Variants in DNAH8 observed in about 807,000 individuals in gnomAD.
The protein encoded by DNAH8 is axonemal beta dynein heavy chain 8.
DNAH8 carries 382 observed loss-of-function variants against 562.1 expected under a neutral mutation model. The ratio of observed to expected loss-of-function variants is 0.68; its 90% CI spans 0.63 to 0.74. The LOEUF is 0.74. DNAH8 is among the 30% of genes least tolerant of loss of function. DNAH8 has a pLI of 0.00. For missense variants in DNAH8, 5,203 were observed against 5,620.4 expected (o/e 0.93, Z 2.37); for synonymous variants, 1,881 against 1,919.4 (o/e 0.98, Z 0.52).
chr6:38,960,804 A>G (rs901688226), intron 82 of DNAH8, among the ~76,000 whole-genome samples: 3 of 152,042 alleles, frequency 2.0e-5, no homozygotes, highest in Non-Finnish European at 2.9e-5. Context: ...AAAACTTTGA[A>G]AGGATTTTTT....
Position 38,834,281 on chromosome 6 carries a change from A to G in DNAH8, c.4303-298A>G, listed in dbSNP as rs188747357. ...TTAGCTCTGTCAAGGTCCTTTAAAA[A>G]TGAATGGAAGATAGAGTGATGAAAA... On this transcript the variant is annotated intron_variant, in intron 31 of 92. Coordinates refer to ENST00000327475, the MANE Select transcript of DNAH8 (RefSeq NM_001206927.2). Among the ~76,000 whole-genome samples the G allele has an allele frequency of 6.0e-3, 919 of 152,324 alleles. 2 individuals carry two copies. The highest frequency in any genetic ancestry group is 7.9e-3 in the Non-Finnish European group (539 of 68,018).
intron 3 of DNAH8, among the ~76,000 whole-genome samples, chr6:38,729,009 C>G (rs559537110): frequency 2.6e-5 from 4 of 152,260 alleles, no homozygotes; most frequent in Non-Finnish European, 4.4e-5. Flanking sequence ...TCAAGACCAG[C>G]CTGGCCAACA....
At chr6:39,028,846 C>CA in intron 92 of DNAH8, among the ~76,000 whole-genome samples, 1 of 152,334 alleles carries the variant, frequency 6.6e-6, no homozygotes, top group Admixed American at 6.5e-5. Context: ...GTTTTACTGT[C>CA]AAATCATGTG....
chr6:38,937,951 G>A (rs753961769), intron 77 of DNAH8, 23 bp from the exon 78 acceptor site: 17 of 1,611,560 alleles, frequency 1.1e-5, no homozygotes, highest in Middle Eastern at 1.7e-4. Context: ...TGTGTACTAC[G>A]GTTTTCCTGT....
intron 10 of DNAH8, among the ~76,000 whole-genome samples, chr6:38,758,971 G>A (rs113357293): frequency 0.036 from 5,446 of 152,144 alleles, 345 homozygotes; most frequent in African/African-American, 0.12. Context: ...GTTCATCAGG[G>A]ATATTGGTCT....
chr6:38,762,718 G>T (rs554097444), intron 11 of DNAH8, among the ~76,000 whole-genome samples: 1 of 152,366 alleles, frequency 6.6e-6, no homozygotes, highest in Non-Finnish European at 1.5e-5. Flanking sequence ...GGTCATCTCT[G>T]TGTGCAGGTT....
At chr6:38,957,241 C>A (rs1762304529) in intron 82 of DNAH8, among the ~76,000 whole-genome samples, 1 of 150,812 alleles carries the variant, frequency 6.6e-6, no homozygotes, top group Admixed American at 6.6e-5. Flanking sequence ...TGCATACACA[C>A]AATGCACCCA....
At chr6:38,748,277 T>C (rs2127592965) in intron 8 of DNAH8, among the ~76,000 whole-genome samples, 1 of 152,260 alleles carries the variant, frequency 6.6e-6, no homozygotes, top group Middle Eastern at 3.4e-3. Context: ...ATCTCTAGTC[T>C]TTAGAAAGGA....
intron 33 of DNAH8, among the ~76,000 whole-genome samples, chr6:38,839,068 A>T (rs948183757): frequency 1.3e-5 from 2 of 152,210 alleles, no homozygotes; most frequent in African/African-American, 4.8e-5. Flanking sequence ...GTCATTCTCC[A>T]AACGTAATCC....
chr6:38,743,732 A>T (rs1360999217), intron 8 of DNAH8, among the ~76,000 whole-genome samples: 1 of 152,174 alleles, frequency 6.6e-6, no homozygotes, highest in East Asian at 1.9e-4. Flanking sequence ...GCTGAATCAT[A>T]TTCTGTTGTA....
At chr6:38,754,647 T>A (rs1765754796) in intron 9 of DNAH8, among the ~76,000 whole-genome samples, 2 of 152,140 alleles carry the variant, frequency 1.3e-5, no homozygotes, top group African/African-American at 4.8e-5. Flanking sequence ...TTGTCTGTTC[T>A]CCTGTAGTGA....
intron 88 of DNAH8, among the ~76,000 whole-genome samples, chr6:38,995,803 C>A (rs1229168620): frequency 6.6e-6 from 1 of 152,238 alleles, no homozygotes; most frequent in Non-Finnish European, 1.5e-5. Context: ...GGTCTGAAAT[C>A]TGATGACAAC....
intron 87 of DNAH8, among the ~76,000 whole-genome samples, chr6:38,987,578 G>T (rs1375492190): frequency 6.6e-6 from 1 of 152,114 alleles, no homozygotes; most frequent in Non-Finnish European, 1.5e-5. Context: ...TCAGCAATTA[G>T]TGCCTTAAGT....
intron 68 of DNAH8, among the ~76,000 whole-genome samples, chr6:38,916,664 C>G (rs139198679): frequency 9.9e-5 from 15 of 152,222 alleles, no homozygotes; most frequent in Admixed American, 9.2e-4. Context: ...ATCACCGAAC[C>G]GAAGGAGTCT....
At chr6:38,715,948 A>AT (rs1282494098) in intron 1 of DNAH8, among the ~76,000 whole-genome samples, 5 of 28,220 alleles carry the variant, frequency 1.8e-4, no homozygotes, top group African/African-American at 6.3e-4. Context: ...ATATATATAT[A>AT]TATATATATA....
At chr6:38,852,907 C>T in intron 40 of DNAH8, 109 bp downstream of exon 40, 1 of 825,386 alleles carries the variant, frequency 1.2e-6, no homozygotes, top group Non-Finnish European at 1.9e-6. Context: ...AGTTCTCATT[C>T]TACAGCCCTG....
chr6:38,942,558 G>C (rs1447632308), intron 79 of DNAH8, among the ~76,000 whole-genome samples: 1 of 152,220 alleles, frequency 6.6e-6, no homozygotes, highest in Non-Finnish European at 1.5e-5. Context: ...GGAATGGCTG[G>C]ATGGGTGAGC....
At chr6:38,846,015 C>T (rs1775269070) in intron 36 of DNAH8, among the ~76,000 whole-genome samples, 1 of 152,062 alleles carries the variant, frequency 6.6e-6, no homozygotes, top group African/African-American at 2.4e-5. Flanking sequence ...TTATTCCTCC[C>T]CAGACTGGCA....
chr6:39,028,371 G>T (rs1270658504), intron 92 of DNAH8, among the ~76,000 whole-genome samples: 1 of 152,170 alleles, frequency 6.6e-6, no homozygotes, highest in African/African-American at 2.4e-5. Context: ...TCTACTGGAG[G>T]CCCCAAGGGA....
Sources: allele counts gnomAD v4.1 joint callset (sites outside exome capture counted in the v4.1 genomes callset), GRCh38; gene constraint gnomAD v4.1.1; transcripts MANE v1.5; gene names NCBI Gene and HGNC (gene_info 2026-07-23, HGNC 2026-07-21).